The following DPP10 variants were observed in gnomAD, a reference collection of about 807,000 sequenced individuals.
DPP10 encodes the protein inactive dipeptidyl peptidase 10.
In DPP10, 33 loss-of-function variants were observed where a neutral mutation model predicts 120.9. The ratio of observed to expected loss-of-function variants is 0.27; its 90% CI spans 0.21 to 0.37. DPP10 has a LOEUF of 0.37. DPP10 is among the 10% of genes least tolerant of loss of function. DPP10 has a pLI of 1.00. For synonymous variants in DPP10, 337 were observed against 326.1 expected, an observed-to-expected ratio of 1.03 and a Z score of -0.36; for missense variants, 816 against 942.8, an observed-to-expected ratio of 0.87 and a Z score of 1.76.
At chr2:114,651,462 C>T (rs1283536766) in intron 1 of DPP10, among the ~76,000 whole-genome samples, 2 of 152,042 alleles carry the variant, frequency 1.3e-5, no homozygotes, top group African/African-American at 4.8e-5. Context: ...TTGCAACCAC[C>T]CCTCATACCC....
intron 3 of DPP10, among the ~76,000 whole-genome samples, chr2:115,384,834 T>A (rs1399325252): frequency 6.6e-6 from 1 of 152,164 alleles, no homozygotes; most frequent in Non-Finnish European, 1.5e-5. Context: ...GGCTCTTTTC[T>A]CCACCCAAAT....
At chr2:115,750,321 G>A (rs1165860622) in intron 10 of DPP10, 1 of 503,556 alleles carries the variant, frequency 2.0e-6, no homozygotes, top group African/African-American at 2.1e-5. Context: ...AAGGATATAG[G>A]AAGTGATTGA....
intron 1 of DPP10, among the ~76,000 whole-genome samples, chr2:114,697,713 G>T (rs1327972389): frequency 2.1e-5 from 3 of 139,594 alleles, no homozygotes; most frequent in African/African-American, 8.1e-5. Flanking sequence ...TCGCGCAACT[G>T]CACTCCAGCC....
chr2:115,654,244 A>C (rs1207016879), intron 5 of DPP10, among the ~76,000 whole-genome samples: 1 of 151,874 alleles, frequency 6.6e-6, no homozygotes, highest in Non-Finnish European at 1.5e-5. Context: ...TTCTAAGTAT[A>C]CACGAGTGAA....
At chr2:114,934,790 G>A (rs905630931) in intron 1 of DPP10, among the ~76,000 whole-genome samples, 5 of 152,120 alleles carry the variant, frequency 3.3e-5, no homozygotes, top group Admixed American at 2.6e-4. Flanking sequence ...ACAGGGTTGA[G>A]GGGAGGAGGT....
chr2:115,062,193 C>A (rs1706473507), intron 1 of DPP10, among the ~76,000 whole-genome samples: 1 of 149,266 alleles, frequency 6.7e-6, no homozygotes, highest in Admixed American at 6.7e-5. Flanking sequence ...GCTACCAAAT[C>A]AAATTTTTAG....
chr2:114,448,799 T>C (rs1338532928), intron 1 of DPP10, among the ~76,000 whole-genome samples: 1 of 152,178 alleles, frequency 6.6e-6, no homozygotes, highest in African/African-American at 2.4e-5. Context: ...TCATTAGGTT[T>C]ATCTCTTTTA....
chr2:115,177,339 C>T (rs542461208), intron 1 of DPP10, among the ~76,000 whole-genome samples: 1 of 152,290 alleles, frequency 6.6e-6, no homozygotes, highest in South Asian at 2.1e-4. Flanking sequence ...ATGCTTTGCT[C>T]CCGGTTTTTC....
intron 1 of DPP10, among the ~76,000 whole-genome samples, chr2:115,279,543 C>A (rs994711859): frequency 1.3e-5 from 2 of 151,800 alleles, no homozygotes; most frequent in African/African-American, 4.8e-5. Context: ...AAAAAAATCA[C>A]CGTGTTGATT....
chr2:115,097,160 A>G (rs11123278), intron 1 of DPP10, among the ~76,000 whole-genome samples: 31,315 of 152,022 alleles, frequency 0.21, 3,970 homozygotes, highest in East Asian at 0.36. Context: ...GACCCAAGAT[A>G]TTGTAACAAA....
intron 1 of DPP10, among the ~76,000 whole-genome samples, chr2:115,218,322 G>A (rs2056947811): frequency 6.6e-6 from 1 of 152,040 alleles, no homozygotes; most frequent in African/African-American, 2.4e-5. Flanking sequence ...CTTGAAGGGT[G>A]ATCTCTTGTT....
intron 1 of DPP10, among the ~76,000 whole-genome samples, chr2:114,850,682 CTT>C (rs2106485240): frequency 6.6e-6 from 1 of 152,204 alleles, no homozygotes; most frequent in Non-Finnish European, 1.5e-5. Flanking sequence ...TGCTTCCAGA[CTT>C]GAGAATGGGG....
intron 1 of DPP10, among the ~76,000 whole-genome samples, chr2:114,446,270 G>C (rs1677940477): frequency 6.6e-6 from 1 of 152,118 alleles, no homozygotes; most frequent in South Asian, 2.1e-4. Flanking sequence ...TGCAAACTTA[G>C]AATTTTGCCT....
In DPP10 at chr2:115,263,692, T is replaced by C. The variant is rs529975245; in HGVS notation, c.61-45547T>C. Among the ~76,000 whole-genome samples, 7 of 152,330 alleles carry C rather than the reference T, an allele frequency of 4.6e-5. No individual in the cohort carries two copies. In the South Asian group the frequency reaches 1.4e-3, roughly 32 times the overall value. ...CCTCCATAAACATTCTACTCTTGTA[T>C]AAAAAGTCATTTCAAAATATACTAT... is the stretch of plus-strand genomic sequence containing the variant. On this transcript the variant is annotated intron_variant, in intron 1 of 25. Transcript: ENST00000410059.
intron 1 of DPP10, among the ~76,000 whole-genome samples, chr2:114,682,794 ATC>A (rs1699116127): frequency 6.6e-6 from 1 of 151,608 alleles, no homozygotes; most frequent in Non-Finnish European, 1.5e-5. Flanking sequence ...CTATCTATCT[ATC>A]TATCTATCTA....
intron 1 of DPP10, among the ~76,000 whole-genome samples, chr2:115,275,586 T>G (rs1183787845): frequency 6.6e-6 from 1 of 152,116 alleles, no homozygotes; most frequent in Admixed American, 6.5e-5. Context: ...AAGGCAAGCC[T>G]TTCTTCTTTT....
chr2:114,933,911 G>A (rs1414023753), intron 1 of DPP10, among the ~76,000 whole-genome samples: 1 of 152,162 alleles, frequency 6.6e-6, no homozygotes, highest in Non-Finnish European at 1.5e-5. Flanking sequence ...AACACACACT[G>A]AGAATTGCTG....
chr2:114,686,329 T>G (rs935183756), intron 1 of DPP10, among the ~76,000 whole-genome samples: 1 of 151,898 alleles, frequency 6.6e-6, no homozygotes, highest in Non-Finnish European at 1.5e-5. Context: ...ATATGTAAAG[T>G]TATCTATTGG....
chr2:115,169,997 A>G (rs149807263), intron 1 of DPP10, among the ~76,000 whole-genome samples: 96 of 152,304 alleles, frequency 6.3e-4, no homozygotes, highest in African/African-American at 2.2e-3. Context: ...AAATGTGACA[A>G]ATCTGTATTA....
Sources: allele counts gnomAD v4.1 joint callset (sites outside exome capture counted in the v4.1 genomes callset), GRCh38; gene constraint gnomAD v4.1.1; transcripts MANE v1.5; gene names NCBI Gene and HGNC (gene_info 2026-07-23, HGNC 2026-07-21).